DLG1: variants seen among roughly 807,000 people sequenced by gnomAD.
DLG1 encodes the protein disks large homolog 1.
Under a neutral mutation model 123.4 loss-of-function variants are expected in DLG1, and 42 were observed. That is an observed-to-expected ratio of 0.34 (90% CI 0.27 to 0.44). The LOEUF is 0.44. DLG1 is among the 20% of genes least tolerant of loss of function. The pLI is 1.00. For missense variants in DLG1, 942 were observed against 1,082.6 expected, an observed-to-expected ratio of 0.87 and a Z score of 1.82; for synonymous variants, 317 against 356.2, an observed-to-expected ratio of 0.89 and a Z score of 1.24.
At chr3:197,104,637 G>A (rs573844647) in intron 14 of DLG1, among the ~76,000 whole-genome samples, 19 of 151,982 alleles carry the variant, frequency 1.3e-4, no homozygotes, top group Admixed American at 1.3e-4. Context: ...AGCTGAGTTC[G>A]CACCACTGCA....
chr3:197,179,488 C>A (rs556799764), intron 5 of DLG1, among the ~76,000 whole-genome samples: 1 of 152,282 alleles, frequency 6.6e-6, no homozygotes, highest in East Asian at 1.9e-4. Flanking sequence ...TACAAATTAA[C>A]TTAATCAGTC....
chr3:197,195,052 TCTCA>T (rs1056319982), intron 4 of DLG1, among the ~76,000 whole-genome samples: 4 of 149,548 alleles, frequency 2.7e-5, no homozygotes, highest in Non-Finnish European at 4.5e-5. Context: ...TCTCTCTCTC[TCTCA>T]CACACACACA....
intron 22 of DLG1, among the ~76,000 whole-genome samples, chr3:197,062,382 T>A (rs1736453748): frequency 6.6e-6 from 1 of 152,228 alleles, no homozygotes; most frequent in Non-Finnish European, 1.5e-5. Context: ...TATGCATCAC[T>A]TTTGCGCCTC....
rs1282950743 is a variant in DLG1, at chr3:197,211,490, G to A, written c.319-16901C>T. 1.4e-5 allele frequency among the ~76,000 whole-genome samples: 2 copies of A among 146,290 alleles called. 1 individual carries two copies. The highest frequency in any genetic ancestry group is 3.1e-5 in the Non-Finnish European group (2 of 65,230). The stretch of plus-strand genomic sequence containing the variant: ...GGGATGCAAGGCTGGTTCAATACAC[G>A]CCAATCAATAAATGTGATTCATCAC... On this transcript the variant is annotated intron_variant, in intron 4 of 24. Coordinates refer to ENST00000667157, the MANE Select transcript of DLG1 (RefSeq NM_001366207.1).
At chr3:197,113,112 T>C (rs1323543389) in intron 13 of DLG1, among the ~76,000 whole-genome samples, 1 of 152,218 alleles carries the variant, frequency 6.6e-6, no homozygotes, top group Non-Finnish European at 1.5e-5. Flanking sequence ...TATACAGATA[T>C]CTAGGTATTA....
chr3:197,107,405 C>T (rs1579325741), intron 13 of DLG1, among the ~76,000 whole-genome samples: 2 of 152,060 alleles, frequency 1.3e-5, no homozygotes, highest in East Asian at 1.9e-4. Flanking sequence ...ATTAGCCGGG[C>T]GTGGTGGCAG....
chr3:197,104,266 A>G (rs1765111392), intron 14 of DLG1, among the ~76,000 whole-genome samples: 1 of 152,194 alleles, frequency 6.6e-6, no homozygotes, highest in Admixed American at 6.5e-5. Context: ...AAAGTAGTAA[A>G]AGGGACATTA....
intron 14 of DLG1, among the ~76,000 whole-genome samples, chr3:197,103,636 T>C (rs56309312): frequency 0.24 from 36,239 of 150,922 alleles, 5,528 homozygotes; most frequent in East Asian, 0.72. Flanking sequence ...GTTTAGTTAC[T>C]AAGCCTAAAA....
rs191897349 is a variant in DLG1, at chr3:197,158,189, G to T, written c.484-8393C>A. ...GGACAATAAGCACATGAACAGATGT[G>T]TCACAAATGCAAGTCAAAACTACAA... On this transcript the variant is annotated intron_variant, in intron 5 of 24. Coordinates refer to ENST00000667157, the MANE Select transcript of DLG1 (RefSeq NM_001366207.1). Among the ~76,000 whole-genome samples, 136 of 152,238 alleles carry T rather than the reference G, an allele frequency of 8.9e-4. 1 individual carries two copies. Among genetic ancestry groups the T allele is most frequent in the African/African-American group, 2.9e-3 (122 of 41,546 alleles).
Position 197,076,623 on chromosome 3 carries a change from G to C in DLG1, c.1968C>G (p.Asn656Lys), listed in dbSNP as rs1048707041. The C allele has an allele frequency of 2.5e-6, 4 of 1,612,732 alleles. No individual in the cohort carries two copies. The highest frequency in any genetic ancestry group is 3.4e-6 in the Non-Finnish European group (4 of 1,179,204). ...LFSRKFPFYK[N>K]KDQSEQETSD... ...TTGTTTCCTGCTCACTCTGGTCCTT[G>C]TTCTTGTAGAAGGGGAATTTTCGGG... Residue 656 changes from asparagine (N) to lysine (K), a missense_variant, in exon 18 of 25, where the codon AAC (asparagine) becomes AAG (lysine). Transcript: ENST00000667157.
At chr3:197,064,875 T>C (rs1738510868) in intron 22 of DLG1, among the ~76,000 whole-genome samples, 1 of 151,924 alleles carries the variant, frequency 6.6e-6, no homozygotes, top group Admixed American at 6.6e-5. Context: ...GGCATGCTCA[T>C]AGCTCACTGC....
At chr3:197,059,063 C>G (rs1441099657) in intron 23 of DLG1, among the ~76,000 whole-genome samples, 1 of 152,156 alleles carries the variant, frequency 6.6e-6, no homozygotes, top group Non-Finnish European at 1.5e-5. Context: ...GTAGCTGGGA[C>G]TACAGGTGCC....
At chr3:197,165,380 C>T (rs1241450665) in intron 5 of DLG1, among the ~76,000 whole-genome samples, 1 of 152,110 alleles carries the variant, frequency 6.6e-6, no homozygotes, top group African/African-American at 2.4e-5. Flanking sequence ...TTTGTGTTTT[C>T]TCTTTCTTTT....
intron 5 of DLG1, among the ~76,000 whole-genome samples, chr3:197,189,765 C>A (rs1718262384): frequency 6.6e-6 from 1 of 152,190 alleles, no homozygotes; most frequent in Admixed American, 6.5e-5. Flanking sequence ...CTCAGGAAAG[C>A]ATGCTGGTAC....
chr3:197,149,616 T>C, intron 6 of DLG1, 127 bp downstream of exon 6: 1 of 731,312 alleles, frequency 1.4e-6, no homozygotes, highest in Non-Finnish European at 2.5e-6. Flanking sequence ...ACAGCTATAG[T>C]ATATAGTGAT....
At chr3:197,121,862 C>A (rs1045422780) in intron 11 of DLG1, among the ~76,000 whole-genome samples, 1 of 149,056 alleles carries the variant, frequency 6.7e-6, no homozygotes, top group African/African-American at 2.5e-5. Context: ...TTATCTAGTC[C>A]TCTTAGGTAA....
intron 3 of DLG1, among the ~76,000 whole-genome samples, chr3:197,286,870 T>C (rs1423806766): frequency 2.6e-5 from 4 of 151,118 alleles, no homozygotes; most frequent in African/African-American, 7.3e-5. Flanking sequence ...TGGGATTATA[T>C]ACAAGAGCCA....
At chr3:197,057,983 C>CT (rs906481339) in intron 23 of DLG1, among the ~76,000 whole-genome samples, 23 of 148,724 alleles carry the variant, frequency 1.5e-4, no homozygotes, top group South Asian at 6.4e-4. Flanking sequence ...ATATTGTTTT[C>CT]TTTTTTTTTT....
intron 4 of DLG1, among the ~76,000 whole-genome samples, chr3:197,253,548 C>A (rs1469924037): frequency 6.6e-6 from 1 of 152,128 alleles, no homozygotes; most frequent in Non-Finnish European, 1.5e-5. Context: ...ATTTCACTCC[C>A]CGGCAATCTC....
Sources: gnomAD v4.1 joint callset for allele counts (sites outside exome capture counted in the v4.1 genomes callset) on GRCh38, gnomAD v4.1.1 for gene constraint, MANE v1.5 for transcripts, NCBI Gene and HGNC (gene_info 2026-07-23, HGNC 2026-07-21) for gene names.